Variants in TUSC3 observed in about 807,000 individuals in gnomAD.
TUSC3 encodes the protein dolichyl-diphosphooligosaccharide--protein glycosyltransferase subunit TUSC3.
A neutral mutation model predicts 44.8 loss-of-function variants in TUSC3; 45 were observed. The ratio of observed to expected loss-of-function variants is 1.00; its 90% CI spans 0.79 to 1.29. The LOEUF (loss-of-function observed/expected upper bound fraction) is 1.29. Among genes scored for constraint, TUSC3 ranks in the 50% most tolerant of loss-of-function variants. The pLI, the probability that TUSC3 is intolerant of heterozygous loss-of-function variation, is 0.00. For missense variants in TUSC3, 519 were observed against 437.9 expected (o/e 1.19, Z -1.65); for synonymous variants, 212 against 152.9 (o/e 1.39, Z -2.85).
chr8:15,576,351 G>A (rs1013892421), intron 1 of TUSC3, among the ~76,000 whole-genome samples: 2 of 136,972 alleles, frequency 1.5e-5, no homozygotes, highest in African/African-American at 5.5e-5. Context: ...GGGTACATGT[G>A]CACATTGTGC....
intron 1 of TUSC3, among the ~76,000 whole-genome samples, chr8:15,424,472 A>T (rs78371729): frequency 0.026 from 3,966 of 152,274 alleles, 188 homozygotes; most frequent in African/African-American, 0.091. Flanking sequence ...TAATAGGAAA[A>T]GGGATAGATG....
intron 10 of TUSC3, among the ~76,000 whole-genome samples, chr8:15,763,143 T>C (rs115646020): frequency 0.042 from 6,430 of 151,738 alleles, 329 homozygotes; most frequent in East Asian, 0.14. Flanking sequence ...TAAATATATA[T>C]TTCATGTTTT....
At chr8:15,822,009 T>C in the TUSC3 span, among the ~76,000 whole-genome samples, 1 of 152,158 alleles carries the variant, frequency 6.6e-6, no homozygotes, top group Non-Finnish European at 1.5e-5. Context: ...CTGGTAGCAC[T>C]GCGAGTAATA....
At chr8:15,749,257 T>C (rs571303172) in intron 9 of TUSC3, among the ~76,000 whole-genome samples, 3 of 152,158 alleles carry the variant, frequency 2.0e-5, no homozygotes, top group Non-Finnish European at 2.9e-5. Context: ...GATATGTTGA[T>C]AGAAAATAAA....
intron 1 of TUSC3, among the ~76,000 whole-genome samples, chr8:15,471,727 C>G (rs946773740): frequency 2.0e-5 from 3 of 151,774 alleles, no homozygotes; most frequent in Non-Finnish European, 4.4e-5. Flanking sequence ...AAGCTATTCT[C>G]CCGCCTCACC....
chr8:15,438,795 G>T (rs560296316), intron 1 of TUSC3, among the ~76,000 whole-genome samples: 3 of 152,132 alleles, frequency 2.0e-5, no homozygotes, highest in Non-Finnish European at 4.4e-5. Flanking sequence ...ACAATCCTAG[G>T]AGCTAGGCAG....
intron 1 of TUSC3, among the ~76,000 whole-genome samples, chr8:15,542,828 C>A (rs988304255): frequency 3.3e-5 from 5 of 152,128 alleles, no homozygotes; most frequent in African/African-American, 4.8e-5. Context: ...CACTGTATGA[C>A]AGTATTACAG....
At chr8:15,435,620 A>G (rs1799935738) in intron 1 of TUSC3, among the ~76,000 whole-genome samples, 1 of 152,192 alleles carries the variant, frequency 6.6e-6, no homozygotes, top group Non-Finnish European at 1.5e-5. Context: ...CCTAAAACAT[A>G]TGCAAGATTT....
chr8:15,801,334 G>A, the TUSC3 span, among the ~76,000 whole-genome samples: 1 of 152,170 alleles, frequency 6.6e-6, no homozygotes, highest in Admixed American at 6.5e-5. Context: ...GTGGTATGGA[G>A]TTGAGGGGCT....
chr8:15,538,523 C>G (rs1251702898), upstream of TUSC3, among the ~76,000 whole-genome samples: 1 of 152,162 alleles, frequency 6.6e-6, no homozygotes, highest in Non-Finnish European at 1.5e-5. Flanking sequence ...CAAATTTTTT[C>G]TGGGCCTTAA....
chr8:15,477,533 T>A (rs370862532), intron 1 of TUSC3, among the ~76,000 whole-genome samples: 11 of 152,046 alleles, frequency 7.2e-5, no homozygotes, highest in African/African-American at 2.7e-4. Context: ...CCATCCTGGC[T>A]AACATGGTGA....
chr8:15,604,040 A>T (rs948012025), intron 1 of TUSC3, among the ~76,000 whole-genome samples: 1 of 151,704 alleles, frequency 6.6e-6, no homozygotes. Flanking sequence ...TAATATATTA[A>T]TATGATGGGG....
At chr8:15,525,986 C>G (rs915158491) in intron 2 of TUSC3, among the ~76,000 whole-genome samples, 5 of 151,920 alleles carry the variant, frequency 3.3e-5, no homozygotes, top group Admixed American at 2.0e-4. Context: ...TGAGGGTTTT[C>G]AAGCAGGTGG....
the TUSC3 span, among the ~76,000 whole-genome samples, chr8:15,842,336 G>A: frequency 0.8 from 121,286 of 152,076 alleles, 48,708 homozygotes; most frequent in African/African-American, 0.84. Flanking sequence ...CTATAAATCA[G>A]TCTTAATACT....
intron 1 of TUSC3, among the ~76,000 whole-genome samples, chr8:15,447,550 T>A (rs1800123108): frequency 6.6e-6 from 1 of 152,120 alleles, no homozygotes; most frequent in Admixed American, 6.5e-5. Context: ...TATGAAGCAA[T>A]GAAAAAAGCA....
intron 10 of TUSC3, among the ~76,000 whole-genome samples, chr8:15,762,136 G>A (rs1401550469): frequency 2.6e-5 from 4 of 151,784 alleles, no homozygotes; most frequent in Non-Finnish European, 2.9e-5. Context: ...TCTCAGAAAC[G>A]TTTTAACCAG....
intron 4 of TUSC3, 90 bp from the exon 5 acceptor site, chr8:15,662,066 T>C: frequency 6.9e-7 from 1 of 1,450,362 alleles, no homozygotes; most frequent in South Asian, 1.2e-5. Context: ...TTCTGAGTTC[T>C]TTGCGTTGAA....
intron 3 of TUSC3, among the ~76,000 whole-genome samples, chr8:15,657,282 A>C (rs1807217211): frequency 6.6e-6 from 1 of 152,086 alleles, no homozygotes; most frequent in Admixed American, 6.6e-5. Flanking sequence ...TGTGTCTTTA[A>C]ATCATTTTTT....
At chr8:15,632,038 A>T (rs1041857183) in intron 2 of TUSC3, among the ~76,000 whole-genome samples, 1 of 152,124 alleles carries the variant, frequency 6.6e-6, no homozygotes, top group Non-Finnish European at 1.5e-5. Flanking sequence ...GAACACCATT[A>T]TAACTTTTAA....
Sources: gnomAD v4.1 joint callset for allele counts (sites outside exome capture counted in the v4.1 genomes callset) on GRCh38, gnomAD v4.1.1 for gene constraint, MANE v1.5 for transcripts, NCBI Gene and HGNC (gene_info 2026-07-23, HGNC 2026-07-21) for gene names.